CNTNAP2: variants seen among roughly 807,000 people sequenced by gnomAD.
CNTNAP2 encodes the protein contactin associated protein 2, also known as contactin-associated protein-like 2.
Under a neutral mutation model 155.2 loss-of-function variants are expected in CNTNAP2, and 98 were observed. The observed-to-expected ratio is 0.63, with a 90% CI of 0.54 to 0.75. The LOEUF (loss-of-function observed/expected upper bound fraction) is 0.75, where lower values mean the gene tolerates loss of function less well. Among genes scored for constraint, CNTNAP2 ranks in the 30% least tolerant of loss-of-function variants. The pLI is 0.00. For missense variants in CNTNAP2, 1,727 were observed against 1,688.1 expected (o/e 1.02, Z -0.40); for synonymous variants, 651 against 631.2 (o/e 1.03, Z -0.47).
chr7:147,833,727 G>T (rs1217259774), intron 13 of CNTNAP2, among the ~76,000 whole-genome samples: 1 of 152,166 alleles, frequency 6.6e-6, no homozygotes, highest in Non-Finnish European at 1.5e-5. Context: ...ACACTTCTCT[G>T]CCATCCAAAT....
At chr7:146,990,389 C>T (rs1798189247) in intron 3 of CNTNAP2, among the ~76,000 whole-genome samples, 1 of 152,152 alleles carries the variant, frequency 6.6e-6, no homozygotes, top group Non-Finnish European at 1.5e-5. Flanking sequence ...GGAGGTCTGA[C>T]TGTATATCTG....
At chr7:148,186,987 C>T (rs1795125431) in intron 18 of CNTNAP2, among the ~76,000 whole-genome samples, 1 of 152,156 alleles carries the variant, frequency 6.6e-6, no homozygotes, top group Admixed American at 6.5e-5. Flanking sequence ...TGTGTGTCCT[C>T]TTTCTATCTT....
chr7:146,295,681 T>C (rs1800503241), intron 1 of CNTNAP2, among the ~76,000 whole-genome samples: 1 of 151,906 alleles, frequency 6.6e-6, no homozygotes, highest in Non-Finnish European at 1.5e-5. Flanking sequence ...TTAAAAGATA[T>C]TGGTTAGATG....
chr7:147,849,061 G>A (rs116932967), intron 13 of CNTNAP2, among the ~76,000 whole-genome samples: 6,737 of 152,096 alleles, frequency 0.044, 271 homozygotes, highest in Admixed American at 0.12. Flanking sequence ...TTCTCCTAGA[G>A]GTATAGTAAA....
In CNTNAP2 at chr7:147,784,381, C is replaced by CATATATAT. The variant is rs60221349; in HGVS notation, c.2099-119165_2099-119158dup. Among the ~76,000 whole-genome samples the CATATATAT allele has an allele frequency of 7.3e-3, 723 of 99,228 alleles. 29 individuals are homozygous for CATATATAT. Among genetic ancestry groups the CATATATAT allele is most frequent in the African/African-American group, 0.022 (630 of 29,258 alleles). 65.1% of individuals were successfully genotyped at this position (99,228 alleles called of 152,430 possible). ...TTCATAGCCCTCTACAAACTAAAAA[C>CATATATAT]ATATATATATATATATATATATATA... On this transcript the variant is annotated intron_variant, in intron 13 of 23. Coordinates refer to ENST00000361727, the MANE Select transcript of CNTNAP2 (RefSeq NM_014141.6).
At chr7:147,541,609 A>G (rs1799641507) in intron 11 of CNTNAP2, among the ~76,000 whole-genome samples, 1 of 152,214 alleles carries the variant, frequency 6.6e-6, no homozygotes, top group South Asian at 2.1e-4. Context: ...GGGCAATAAA[A>G]TCAATGTGGT....
intron 1 of CNTNAP2, among the ~76,000 whole-genome samples, chr7:146,129,977 C>T (rs534739231): frequency 3.3e-5 from 5 of 152,192 alleles, no homozygotes; most frequent in African/African-American, 1.2e-4. Context: ...AAAGACTGTT[C>T]CAAGAAAAAG....
intron 1 of CNTNAP2, among the ~76,000 whole-genome samples, chr7:146,544,893 G>A (rs1798007148): frequency 6.6e-6 from 1 of 151,890 alleles, no homozygotes; most frequent in Non-Finnish European, 1.5e-5. Flanking sequence ...AGCATAGGAG[G>A]GAGTAGTATA....
intron 2 of CNTNAP2, among the ~76,000 whole-genome samples, chr7:146,812,019 AT>A (rs1457714421): frequency 1.3e-5 from 2 of 152,076 alleles, no homozygotes; most frequent in Admixed American, 1.3e-4. Flanking sequence ...GTATGTCTTT[AT>A]TGGCAGCATG....
chr7:147,465,173 C>T (rs1188590558), intron 10 of CNTNAP2, among the ~76,000 whole-genome samples: 2 of 152,124 alleles, frequency 1.3e-5, no homozygotes, highest in Non-Finnish European at 2.9e-5. Flanking sequence ...GGCAGAGAGA[C>T]AAGAGGACAT....
chr7:147,727,292 A>G (rs1443137381), intron 13 of CNTNAP2, among the ~76,000 whole-genome samples: 1 of 151,960 alleles, frequency 6.6e-6, no homozygotes, highest in Non-Finnish European at 1.5e-5. Flanking sequence ...TTAAATCAAC[A>G]ACCTGATACC....
intron 1 of CNTNAP2, among the ~76,000 whole-genome samples, chr7:146,340,494 T>C (rs1460373084): frequency 6.6e-6 from 1 of 152,010 alleles, no homozygotes; most frequent in Admixed American, 6.6e-5. Flanking sequence ...CTTAATTGAA[T>C]TTTAGATAAA....
chr7:147,501,453 C>A (rs1444427190), intron 11 of CNTNAP2, among the ~76,000 whole-genome samples: 1 of 152,142 alleles, frequency 6.6e-6, no homozygotes, highest in Non-Finnish European at 1.5e-5. Flanking sequence ...TCTCTGTTTG[C>A]AGATGACATG....
chr7:148,212,986 G>T (rs1162583602), intron 18 of CNTNAP2, among the ~76,000 whole-genome samples: 5 of 152,052 alleles, frequency 3.3e-5, no homozygotes, highest in African/African-American at 9.7e-5. Flanking sequence ...GCATATTTTT[G>T]GATTGTTTAT....
chr7:146,986,160 C>A (rs772632940), intron 3 of CNTNAP2, among the ~76,000 whole-genome samples: 1 of 152,114 alleles, frequency 6.6e-6, no homozygotes, highest in African/African-American at 2.4e-5. Flanking sequence ...CCTCTCCCAC[C>A]CTTTCTCCAT....
chr7:148,154,669 G>A (rs1805366263), intron 17 of CNTNAP2, among the ~76,000 whole-genome samples: 2 of 152,196 alleles, frequency 1.3e-5, no homozygotes, highest in East Asian at 1.9e-4. Context: ...GGGCATGGTG[G>A]CTCACGCCTG....
At chr7:147,494,915 A>G (rs6961277) in intron 11 of CNTNAP2, among the ~76,000 whole-genome samples, 43,600 of 152,020 alleles carry the variant, frequency 0.29, 6,380 homozygotes, top group East Asian at 0.43. Flanking sequence ...AGTTTCTATG[A>G]CAAGTCTTTA....
intron 14 of CNTNAP2, among the ~76,000 whole-genome samples, chr7:147,919,212 C>A (rs1800214874): frequency 6.6e-6 from 1 of 151,990 alleles, no homozygotes; most frequent in Non-Finnish European, 1.5e-5. Flanking sequence ...CCCTGACACA[C>A]CTTGATCTTA....
intron 11 of CNTNAP2, among the ~76,000 whole-genome samples, chr7:147,487,691 A>G (rs1221967039): frequency 1.5e-5 from 2 of 131,472 alleles, no homozygotes; most frequent in African/African-American, 6.4e-5. Context: ...CTTAAAATAC[A>G]CAGCAAAAAG....
Sources: allele counts gnomAD v4.1 joint callset (sites outside exome capture counted in the v4.1 genomes callset), GRCh38; gene constraint gnomAD v4.1.1; transcripts MANE v1.5; gene names NCBI Gene and HGNC (gene_info 2026-07-23, HGNC 2026-07-21).